SMC5: variants seen among roughly 807,000 people sequenced by gnomAD.
SMC5 encodes structural maintenance of chromosomes protein 5.
Under a neutral mutation model 148.3 loss-of-function variants are expected in SMC5, and 88 were observed. That is an observed-to-expected ratio of 0.59 (90% CI 0.50 to 0.71). The LOEUF is 0.71. Ranked by LOEUF, SMC5 falls within the 30% of genes least tolerant of loss-of-function variation. The probability of loss-of-function intolerance (pLI) is 0.00; values close to 1 mark genes in which losing one functional copy is unlikely to be tolerated. For synonymous variants in SMC5, 421 were observed against 432.8 expected (o/e 0.97, Z 0.34); for missense variants, 1,142 against 1,298.9 (o/e 0.88, Z 1.86).
chr9:70,303,471 A>G (rs573228975), intron 10 of SMC5, among the ~76,000 whole-genome samples: 1 of 152,196 alleles, frequency 6.6e-6, no homozygotes, highest in East Asian at 1.9e-4. Context: ...CAATAGGCTG[A>G]TTGTTCATAG....
At chr9:70,313,144 A>G (rs1038445605) in intron 11 of SMC5, among the ~76,000 whole-genome samples, 9 of 152,114 alleles carry the variant, frequency 5.9e-5, no homozygotes, top group African/African-American at 1.9e-4. Flanking sequence ...AATTTTTCCA[A>G]TTCATCTAAG....
intron 1 of SMC5, 53 bp downstream of exon 1, chr9:70,259,316 C>A: frequency 2.0e-6 from 3 of 1,486,850 alleles, no homozygotes; most frequent in Admixed American, 2.3e-5. Context: ...GGCCAGCAGG[C>A]CCCGGGGCTC....
chr9:70,328,730 C>T (rs990861369), intron 17 of SMC5, among the ~76,000 whole-genome samples: 1 of 152,228 alleles, frequency 6.6e-6, no homozygotes, highest in Non-Finnish European at 1.5e-5. Flanking sequence ...CTAGGCAGTG[C>T]CCCAGTGGGG....
chr9:70,291,038 T>C (rs1313984722), intron 8 of SMC5, among the ~76,000 whole-genome samples: 1 of 152,228 alleles, frequency 6.6e-6, no homozygotes, highest in Non-Finnish European at 1.5e-5. Flanking sequence ...CTAGCAACTC[T>C]GGAAGTCAGT....
intron 24 of SMC5, among the ~76,000 whole-genome samples, 196 bp from the exon 25 acceptor site, chr9:70,351,995 C>T (rs763450281): frequency 4.6e-5 from 7 of 152,084 alleles, no homozygotes; most frequent in Admixed American, 6.6e-5. Flanking sequence ...GCACGAGAAT[C>T]TCTTGAATCT....
chr9:70,281,539 G>C (rs1198610028), intron 6 of SMC5, among the ~76,000 whole-genome samples: 1 of 152,178 alleles, frequency 6.6e-6, no homozygotes, highest in East Asian at 1.9e-4. Flanking sequence ...TAAGACTACA[G>C]TTCGGGTTAA....
intron 8 of SMC5, among the ~76,000 whole-genome samples, chr9:70,293,406 G>A (rs2118325880): frequency 6.8e-6 from 1 of 146,240 alleles, no homozygotes; most frequent in East Asian, 2.0e-4. Context: ...TTTTCAAGGA[G>A]GCAGCTGTTT....
At chr9:70,279,870 T>C (rs965102099) in intron 5 of SMC5, among the ~76,000 whole-genome samples, 15 of 149,692 alleles carry the variant, frequency 1.0e-4, no homozygotes, top group Non-Finnish European at 1.6e-4. Context: ...GGTTCAGGGG[T>C]ACATGTGCAG....
chr9:70,292,849 A>T lies in SMC5; in HGVS notation c.1054-5117A>T, dbSNP rs185635446. Among the ~76,000 whole-genome samples the T allele has an allele frequency of 6.0e-4, 92 of 152,188 alleles. 2 individuals are homozygous for T. The highest frequency in any genetic ancestry group is 2.4e-3 in the Admixed American group (37 of 15,286). On this transcript the variant is annotated intron_variant, in intron 8 of 24. Coordinates refer to ENST00000361138, the MANE Select transcript of SMC5 (RefSeq NM_015110.4). ...AATCAATTTTGCATCCGTCAAATAA[A>T]CCCCACTTGGTTGTGGTGTATAAGT...
In SMC5 at chr9:70,300,068, T is replaced by C; in HGVS notation, c.1332T>C (p.Arg444=). 6.3e-7 allele frequency: 1 copy of C among 1,587,690 alleles called. No homozygotes were observed. The highest frequency in any genetic ancestry group is 8.5e-7 in the Non-Finnish European group (1 of 1,173,250). The change falls in exon 10 of 25, where the codon CGT becomes CGC. Residue 444 remains arginine, a synonymous_variant. Transcript: ENST00000361138. ...EKKSVDDHIV[R]FDNLMNQKED... The stretch of plus-strand genomic sequence containing the variant: ...TAGGTGTGGACGATCATATTGTACG[T>C]TTTGACAATCTTATGAATCAGAAGG...
chr9:70,321,017 T>C (rs1304605629), intron 15 of SMC5, among the ~76,000 whole-genome samples: 2 of 152,152 alleles, frequency 1.3e-5, no homozygotes, highest in African/African-American at 4.8e-5. Context: ...GTTACCACCA[T>C]GAAAATAGTT....
At chr9:70,274,350 G>A (rs554801704) in intron 3 of SMC5, among the ~76,000 whole-genome samples, 23 of 152,144 alleles carry the variant, frequency 1.5e-4, no homozygotes, top group Non-Finnish European at 2.8e-4. Flanking sequence ...CAAAGTGCTG[G>A]GATTACAGGC....
Position 70,282,432 on chromosome 9 carries a change from A to G in SMC5, c.830A>G (p.Asn277Ser). The G allele has an allele frequency of 6.3e-7, 1 of 1,591,156 alleles. No homozygotes were observed. Among genetic ancestry groups the G allele is most frequent in the Non-Finnish European group, 8.5e-7 (1 of 1,173,310 alleles). The change falls in exon 7 of 25, where the codon AAT becomes AGT. Residue 277 changes from asparagine to serine, a missense_variant. Physicochemically the swap from Asn to Ser is conservative, Grantham distance 46. Coordinates refer to ENST00000361138, the MANE Select transcript of SMC5 (RefSeq NM_015110.4). ...EAKRPWVEYE[N>S]VRQEYEEVKL... ...TGAATTATTTGCAAGGAATATGAAAATGTTCGTCAGGAATATGAAGAAGTA... is the reference window on the plus strand; with the variant it reads ...TGAATTATTTGCAAGGAATATGAAAGTGTTCGTCAGGAATATGAAGAAGTA...
intron 15 of SMC5, among the ~76,000 whole-genome samples, chr9:70,321,419 G>T (rs1267457932): frequency 9.4e-5 from 10 of 106,116 alleles, no homozygotes; most frequent in Non-Finnish European, 1.7e-4. Flanking sequence ...TTGAGACGGG[G>T]TCTTGCTCTG....
At chr9:70,272,666 T>C (rs1440695619) in intron 3 of SMC5, among the ~76,000 whole-genome samples, 1 of 152,202 alleles carries the variant, frequency 6.6e-6, no homozygotes, top group Non-Finnish European at 1.5e-5. Flanking sequence ...GGGAAATCAT[T>C]AGTATTATGA....
chr9:70,302,180 T>C (rs970713569), intron 10 of SMC5, among the ~76,000 whole-genome samples: 2 of 152,102 alleles, frequency 1.3e-5, no homozygotes, highest in Admixed American at 1.3e-4. Context: ...AAGACCAGCC[T>C]GGCTAACATG....
In SMC5 at chr9:70,300,210, T is replaced by G. The variant is rs1000112580; in HGVS notation, c.1464+10T>G. ...GCCCATAATGCTCACGGTAAGAAAC[T>G]TTGTTCATCTTGGTAGTATTGGTTT... On this transcript the variant is annotated intron_variant, in intron 10 of 24. Transcript: ENST00000361138. 24 of 1,574,850 alleles carry G rather than the reference T, an allele frequency of 1.5e-5. No individual in the cohort carries two copies. Among genetic ancestry groups the G allele is most frequent in the Non-Finnish European group, 1.9e-5 (22 of 1,169,256 alleles).
chr9:70,278,839 G>A (rs912787948), intron 5 of SMC5, among the ~76,000 whole-genome samples: 3 of 152,028 alleles, frequency 2.0e-5, no homozygotes, highest in Non-Finnish European at 4.4e-5. Context: ...CAGCAAATAC[G>A]TATTACTAAT....
At chr9:70,338,364 TTTG>T (rs1353260355) in intron 17 of SMC5, among the ~76,000 whole-genome samples, 2 of 152,190 alleles carry the variant, frequency 1.3e-5, no homozygotes, top group Admixed American at 6.5e-5. Flanking sequence ...TGATTCTCTT[TTTG>T]TTCTTGTTCC....
Sources: gnomAD v4.1 joint callset for allele counts (sites outside exome capture counted in the v4.1 genomes callset) on GRCh38, gnomAD v4.1.1 for gene constraint, MANE v1.5 for transcripts, NCBI Gene and HGNC (gene_info 2026-07-23, HGNC 2026-07-21) for gene names.